The following PTPRR variants were observed in gnomAD, a reference collection of about 807,000 sequenced individuals.
PTPRR encodes receptor-type tyrosine-protein phosphatase R.
In PTPRR, 38 loss-of-function variants were observed where a neutral mutation model predicts 77.2. The observed-to-expected ratio is 0.49, with a 90% confidence interval of 0.38 to 0.65. The LOEUF (loss-of-function observed/expected upper bound fraction) is 0.65, where lower values mean the gene tolerates loss of function less well. Ranked by LOEUF, PTPRR falls within the 30% of genes least tolerant of loss-of-function variation. PTPRR has a pLI of 0.00. For synonymous variants in PTPRR, 299 were observed against 283.1 expected (o/e 1.06, Z -0.57); for missense variants, 744 against 799.2 (o/e 0.93, Z 0.83).
chr12:70,917,676 T>C (rs1279862167), intron 1 of PTPRR, among the ~76,000 whole-genome samples: 3 of 152,186 alleles, frequency 2.0e-5, no homozygotes, highest in African/African-American at 7.2e-5. Context: ...CGAGTCATAA[T>C]CTTCTTTTTC....
At chr12:70,821,653 T>TGTATGTAC (rs1892015974) in intron 2 of PTPRR, among the ~76,000 whole-genome samples, 1 of 151,340 alleles carries the variant, frequency 6.6e-6, no homozygotes, top group Non-Finnish European at 1.5e-5. Flanking sequence ...TATGTATGTA[T>TGTATGTAC]GTATGTACGT....
At chr12:70,905,412 C>A (rs1893606529) in intron 1 of PTPRR, among the ~76,000 whole-genome samples, 1 of 151,862 alleles carries the variant, frequency 6.6e-6, no homozygotes, top group South Asian at 2.1e-4. Flanking sequence ...GTTTTCCCTA[C>A]CTGTGAGGGA....
intron 10 of PTPRR, among the ~76,000 whole-genome samples, chr12:70,683,434 TTCTG>T (rs2136731467): frequency 6.6e-6 from 1 of 152,138 alleles, no homozygotes; most frequent in East Asian, 1.9e-4. Context: ...TGAAATCAAA[TTCTG>T]TCTTTCTTGG....
At chr12:70,793,658 T>A (rs1891461260) in intron 2 of PTPRR, among the ~76,000 whole-genome samples, 1 of 152,192 alleles carries the variant, frequency 6.6e-6, no homozygotes, top group Non-Finnish European at 1.5e-5. Flanking sequence ...ACCACAACAA[T>A]GTTCCTGCTC....
chr12:70,718,285 A>G (rs1293518759), intron 6 of PTPRR, among the ~76,000 whole-genome samples: 1 of 150,664 alleles, frequency 6.6e-6, no homozygotes, highest in Admixed American at 6.6e-5. Context: ...TTTTTTCTTG[A>G]GATGGAGTCT....
intron 10 of PTPRR, chr12:70,672,533 T>C (rs1887271829): frequency 7.7e-7 from 1 of 1,300,800 alleles, no homozygotes; most frequent in East Asian, 2.5e-5. Flanking sequence ...AAACAGTGGC[T>C]GCTGGGAAAA....
rs1555171433 is a variant in PTPRR, at chr12:70,737,486, A to ATATATC, written c.1007+8331_1007+8332insGATATA. Among the ~76,000 whole-genome samples, 327 of 144,238 alleles carry ATATATC rather than the reference A, an allele frequency of 2.3e-3. 1 individual carries two copies. The highest frequency in any genetic ancestry group is 7.6e-3 in the African/African-American group (295 of 38,650). The allele number at this position is 144,238 out of a possible 152,430, so 94.6% of individuals were successfully genotyped here. The stretch of plus-strand genomic sequence containing the variant: ...TTTCGATTATGGGTCTATTTAATGA[A>ATATATC]TATCTATCTATCTATCTATCTATCT... On this transcript the variant is annotated intron_variant, in intron 6 of 13. Coordinates refer to ENST00000283228, the MANE Select transcript of PTPRR (RefSeq NM_002849.4).
At chr12:70,781,007 G>A (rs1353802274) in intron 2 of PTPRR, among the ~76,000 whole-genome samples, 1 of 152,174 alleles carries the variant, frequency 6.6e-6, no homozygotes, top group East Asian at 1.9e-4. Flanking sequence ...CCTGTGACTG[G>A]TGAGAAAATT....
intron 2 of PTPRR, among the ~76,000 whole-genome samples, chr12:70,783,505 G>T (rs1387222448): frequency 1.3e-5 from 2 of 152,072 alleles, no homozygotes; most frequent in East Asian, 1.9e-4. Context: ...GCTGGTTGTT[G>T]CCTCTCCCTC....
chr12:70,662,710 T>C, intron 10 of PTPRR, 105 bp from the exon 11 acceptor site: 1 of 568,104 alleles, frequency 1.8e-6, no homozygotes, highest in Non-Finnish European at 3.1e-6. Context: ...AGTTTTAAAA[T>C]ATCAAATATC....
At chr12:70,915,817 G>GT (rs1384944819) in intron 1 of PTPRR, among the ~76,000 whole-genome samples, 1 of 152,120 alleles carries the variant, frequency 6.6e-6, no homozygotes, top group African/African-American at 2.4e-5. Context: ...GACTATGTGT[G>GT]TTTTTTGTGG....
intron 2 of PTPRR, among the ~76,000 whole-genome samples, chr12:70,886,302 T>G (rs1361503123): frequency 6.6e-6 from 1 of 152,224 alleles, no homozygotes; most frequent in Non-Finnish European, 1.5e-5. Context: ...TCTGCAATGC[T>G]AGTCTGGCGA....
chr12:70,684,116 A>G lies in PTPRR; in HGVS notation c.1497+11T>C. ...CACATATAACATTCAGAACTTGATT[A>G]AAGATCATACCTCATTTTTTTCTTT... is the stretch of plus-strand genomic sequence containing the variant. On this transcript the variant is annotated intron_variant, in intron 10 of 13. Coordinates refer to ENST00000283228, the MANE Select transcript of PTPRR (RefSeq NM_002849.4). 1 of 1,612,656 alleles carries G rather than the reference A, an allele frequency of 6.2e-7. No individual in the cohort carries two copies. Among genetic ancestry groups the G allele is most frequent in the Non-Finnish European group, 8.5e-7 (1 of 1,179,210 alleles).
chr12:70,876,466 A>C (rs531472336), intron 2 of PTPRR, among the ~76,000 whole-genome samples: 4 of 152,178 alleles, frequency 2.6e-5, no homozygotes, highest in African/African-American at 9.6e-5. Context: ...TTATGCAGCT[A>C]TTTAGAAGAA....
intron 2 of PTPRR, among the ~76,000 whole-genome samples, chr12:70,785,988 C>G (rs1417916235): frequency 6.6e-6 from 1 of 152,138 alleles, no homozygotes; most frequent in African/African-American, 2.4e-5. Context: ...CTTTCAGCCT[C>G]CCCTCCCCTT....
At chr12:70,870,865 A>C (rs1218890781) in intron 2 of PTPRR, among the ~76,000 whole-genome samples, 1 of 152,222 alleles carries the variant, frequency 6.6e-6, no homozygotes, top group Non-Finnish European at 1.5e-5. Context: ...ACTGTGCAAT[A>C]TGTAAAGCAA....
intron 12 of PTPRR, among the ~76,000 whole-genome samples, chr12:70,657,882 A>G (rs1383209548): frequency 6.6e-6 from 1 of 152,134 alleles, no homozygotes; most frequent in Non-Finnish European, 1.5e-5. Context: ...CACGTTTTCA[A>G]CATCTCCTTT....
At chr12:70,833,893 C>A (rs186734047) in intron 2 of PTPRR, among the ~76,000 whole-genome samples, 4 of 152,288 alleles carry the variant, frequency 2.6e-5, no homozygotes, top group Admixed American at 2.0e-4. Context: ...GCAGCCCCAG[C>A]CAGGCATTTT....
chr12:70,791,690 T>G (rs1056924803), intron 2 of PTPRR, among the ~76,000 whole-genome samples: 1 of 152,126 alleles, frequency 6.6e-6, no homozygotes, highest in Non-Finnish European at 1.5e-5. Context: ...TTAGGTAAAA[T>G]AAACATAATG....
Sources: allele counts gnomAD v4.1 joint callset (sites outside exome capture counted in the v4.1 genomes callset), GRCh38; gene constraint gnomAD v4.1.1; transcripts MANE v1.5; gene names NCBI Gene and HGNC (gene_info 2026-07-23, HGNC 2026-07-21).